Variants in ZC3H18 observed in about 807,000 individuals in gnomAD.
The protein encoded by ZC3H18 is zinc finger CCCH domain-containing protein 18.
In ZC3H18, 8 loss-of-function variants were observed where a neutral mutation model predicts 106.1. The ratio of observed to expected loss-of-function variants is 0.08; its 90% CI spans 0.04 to 0.14. The LOEUF is 0.14. Ranked by LOEUF, ZC3H18 falls within the 10% of genes least tolerant of loss-of-function variation. The probability of loss-of-function intolerance (pLI) is 1.00; values close to 1 mark genes in which losing one functional copy is unlikely to be tolerated. For synonymous variants in ZC3H18, 635 were observed against 522.1 expected, an observed-to-expected ratio of 1.22 and a Z score of -2.95; for missense variants, 1,318 against 1,278.4, an observed-to-expected ratio of 1.03 and a Z score of -0.47.
At chr16:88,602,400 G>C (rs1463307124) in intron 6 of ZC3H18, among the ~76,000 whole-genome samples, 1 of 152,228 alleles carries the variant, frequency 6.6e-6, no homozygotes, top group East Asian at 1.9e-4. Context: ...TCACAGGTGA[G>C]GAGAGTGCAA....
At chr16:88,593,008 GTTTAA>G (rs1567583666) in intron 3 of ZC3H18, among the ~76,000 whole-genome samples, 1 of 152,208 alleles carries the variant, frequency 6.6e-6, no homozygotes, top group Non-Finnish European at 1.5e-5. Context: ...CTATGATAAA[GTTTAA>G]TTTATAAGTT....
intron 2 of ZC3H18, among the ~76,000 whole-genome samples, chr16:88,582,219 CTTT>C (rs71391393): frequency 0.14 from 10,767 of 76,538 alleles, 249 homozygotes; most frequent in Middle Eastern, 0.27. Context: ...TTTTTCTTTT[CTTT>C]TTTTTTTTTT....
In ZC3H18 at chr16:88,627,895, A is replaced by G. The variant is rs1906414484; in HGVS notation, c.2270-25A>G. 1.2e-6 allele frequency: 2 copies of G among 1,613,552 alleles called. No homozygotes were observed. The highest frequency in any genetic ancestry group is 1.3e-5 in the African/African-American group (1 of 74,932). On this transcript the variant is annotated intron_variant, in intron 14 of 17. Coordinates refer to ENST00000301011, the MANE Select transcript of ZC3H18 (RefSeq NM_144604.4). The surrounding 1 kb of genome is among the most constrained non-coding windows in gnomAD (Gnocchi z 4.5). ...CCATGGGAAAATCACCAGTACCCCC[A>G]TGACTGCGGATTTATCATTGGTAGG... is the stretch of plus-strand genomic sequence containing the variant.
intron 8 of ZC3H18, among the ~76,000 whole-genome samples, chr16:88,617,727 A>C (rs1254794368): frequency 1.3e-5 from 2 of 152,174 alleles, no homozygotes; most frequent in East Asian, 3.9e-4. Flanking sequence ...GCCCCCCAGC[A>C]CCTACTCACC....
chr16:88,586,575 G>A (rs758757802), intron 2 of ZC3H18, 25 bp from the exon 3 acceptor site: 15 of 1,606,240 alleles, frequency 9.3e-6, no homozygotes, highest in East Asian at 8.9e-5. Flanking sequence ...CCTCCCCCAC[G>A]CTAAGACGGT....
chr16:88,579,630 C>T (rs1331216302), intron 2 of ZC3H18, among the ~76,000 whole-genome samples: 1 of 152,184 alleles, frequency 6.6e-6, no homozygotes, highest in African/African-American at 2.4e-5. Context: ...CCCCTAGACA[C>T]AGCACATGGA....
chr16:88,593,435 T>C (rs1403653345), intron 3 of ZC3H18, among the ~76,000 whole-genome samples: 1 of 152,266 alleles, frequency 6.6e-6, no homozygotes, highest in Non-Finnish European at 1.5e-5. Context: ...TTCATCACGC[T>C]GCTCAGCACA....
rs750436091 is a variant in ZC3H18 at position 88,631,306 on chromosome 16, C to T, written c.*7C>T. The T allele has an allele frequency of 1.3e-6, 2 of 1,568,042 alleles. No homozygotes were observed. The highest frequency in any genetic ancestry group is 1.4e-5 in the African/African-American group (1 of 73,414). The stretch of plus-strand genomic sequence containing the variant: ...GATCCCCGGGAAAGCATAGGCCGTG[C>T]CCCGACCGGACTGGACGCATTTTTA... On this transcript the variant is annotated 3_prime_UTR_variant, in exon 18 of 18. Coordinates refer to ENST00000301011, the MANE Select transcript of ZC3H18 (RefSeq NM_144604.4).
rs1906419898 is a variant in ZC3H18, at chr16:88,627,989, A to G, written c.2339A>G (p.Lys780Arg). The stretch of plus-strand genomic sequence containing the variant: ...AGGGATTCGTCCACACAACCACCCA[A>G]ATCTGCAAAACCTCCAGCAGGGGGG... ...RKRDSSTQPP[K>R]SAKPPAGGKS... is the part of the protein sequence containing the mutation. Residue 780 changes from lysine (K) to arginine (R), a missense_variant, in exon 15 of 18, where the codon AAA (lysine) becomes AGA (arginine). By Grantham distance (26) the Lys-to-Arg change is conservative. Around this residue, in one of 6 missense-constraint regions of ZC3H18, gnomAD observed 848 missense variants for 821.7 expected, o/e 1.03. Coordinates refer to ENST00000301011, the MANE Select transcript of ZC3H18 (RefSeq NM_144604.4). This position sits in a 1 kb window ranked among gnomAD's most constrained non-coding sequence, Gnocchi z 4.5. 3.7e-6 allele frequency: 6 copies of G among 1,614,118 alleles called. No homozygotes were observed. The East Asian group carries it at 6.7e-5, about 18-fold the overall frequency.
chr16:88,625,100 C>A, intron 12 of ZC3H18, 102 bp from the exon 13 acceptor site: 1 of 1,369,836 alleles, frequency 7.3e-7, no homozygotes. Context: ...GGTAGCAAGG[C>A]CAGTCTGGAG....
chr16:88,576,694 A>C (rs568303843), intron 1 of ZC3H18, among the ~76,000 whole-genome samples: 29 of 152,310 alleles, frequency 1.9e-4, no homozygotes, highest in African/African-American at 6.5e-4. Context: ...CTGGGCCTGC[A>C]GTTTTGCTTC....
At chr16:88,619,273 C>CA (rs1013036973) in intron 8 of ZC3H18, among the ~76,000 whole-genome samples, 6 of 151,162 alleles carry the variant, frequency 4.0e-5, no homozygotes, top group African/African-American at 4.9e-5. Context: ...GGCTCTGTCT[C>CA]AAAAAAAAGA....
intron 12 of ZC3H18, 103 bp downstream of exon 12, chr16:88,624,848 T>A: frequency 6.9e-7 from 1 of 1,445,630 alleles, no homozygotes; most frequent in Non-Finnish European, 9.1e-7. Context: ...CAGAGCCAGG[T>A]GGTGGGAAGC....
chr16:88,594,445 G>A (rs773594932), intron 3 of ZC3H18, among the ~76,000 whole-genome samples: 5 of 152,168 alleles, frequency 3.3e-5, no homozygotes. Context: ...TGTGGGCTGT[G>A]CTGGAGCATG....
In ZC3H18 at chr16:88,609,059, T is replaced by C. The variant is rs770463492; in HGVS notation, c.1206+8T>C. ...CCGTATCATAATTACCGAGTAAGTA[T>C]GACTTCAATATCCACATATGAACTT... On this transcript the variant is annotated splice_region_variant and intron_variant, in intron 7 of 17. Transcript: ENST00000301011. 1.9e-6 allele frequency: 3 copies of C among 1,596,420 alleles called. No individual in the cohort carries two copies. The highest frequency in any genetic ancestry group is 2.6e-6 in the Non-Finnish European group (3 of 1,164,754).
In ZC3H18 at chr16:88,624,031, G is replaced by A. The variant is rs748542203; in HGVS notation, c.1867G>A (p.Gly623Arg). 1.2e-6 allele frequency: 2 copies of A among 1,614,088 alleles called. No individual in the cohort carries two copies. The highest frequency in any genetic ancestry group is 2.2e-5 in the East Asian group (1 of 44,880). ...SPHRPSIRTKGEPAPPPGKAG... is the reference protein window; with the variant it reads ...SPHRPSIRTKREPAPPPGKAG... ...ACATAGACCTTCCATCAGAACCAAG[G>A]GAGAGCCGGCCCCGCCGCCCGGGAA... The change falls in exon 11 of 18, where the codon GGA becomes AGA. Residue 623 changes from glycine to arginine, a missense_variant. This residue lies in a region of ZC3H18 where 848 missense variants were observed against 821.7 expected (regional missense o/e 1.03). Coordinates refer to ENST00000301011, the MANE Select transcript of ZC3H18 (RefSeq NM_144604.4).
intron 8 of ZC3H18, among the ~76,000 whole-genome samples, chr16:88,617,888 G>T (rs1371529808): frequency 1.3e-5 from 2 of 152,250 alleles, no homozygotes; most frequent in African/African-American, 2.4e-5. Context: ...CCAGTTTGAG[G>T]CACCCCAGGA....
intron 6 of ZC3H18, among the ~76,000 whole-genome samples, chr16:88,608,361 T>C (rs976496934): frequency 3.9e-5 from 6 of 152,246 alleles, no homozygotes; most frequent in Non-Finnish European, 8.8e-5. Flanking sequence ...TTCCTTTTTT[T>C]TTTTTCTTAT....
At chr16:88,600,087 AGAGC>A in intron 6 of ZC3H18, 139 bp downstream of exon 6, 1 of 1,120,936 alleles carries the variant, frequency 8.9e-7, no homozygotes, top group Non-Finnish European at 1.3e-6. Flanking sequence ...GACGTTCCTG[AGAGC>A]ATTCAGGCAC....
Sources: allele counts gnomAD v4.1 joint callset (sites outside exome capture counted in the v4.1 genomes callset), GRCh38; gene constraint gnomAD v4.1.1; regional missense constraint gnomAD v4.1.1; non-coding constraint Gnocchi (gnomAD v3.1); transcripts MANE v1.5; gene names NCBI Gene and HGNC (gene_info 2026-07-23, HGNC 2026-07-21).